Variants in MEOX2 observed in about 807,000 individuals in gnomAD.
The protein encoded by MEOX2 is mesenchyme homeobox 2.
Under a neutral mutation model 27.0 loss-of-function variants are expected in MEOX2, and 11 were observed. That is an observed-to-expected ratio of 0.41 (90% CI 0.26 to 0.68). The LOEUF (loss-of-function observed/expected upper bound fraction) is 0.68. Among genes scored for constraint, MEOX2 ranks in the 30% least tolerant of loss-of-function variants. The pLI is 0.33. For synonymous variants in MEOX2, 189 were observed against 155.4 expected (o/e 1.22, Z -1.61); for missense variants, 436 against 385.4 (o/e 1.13, Z -1.10).
intron 2 of MEOX2, among the ~76,000 whole-genome samples, chr7:15,620,854 A>G (rs2107267): frequency 0.67 from 102,100 of 151,710 alleles, 34,587 homozygotes; most frequent in East Asian, 0.81. Flanking sequence ...TTACAAGTCT[A>G]CAACATTACA....
intron 1 of MEOX2, among the ~76,000 whole-genome samples, chr7:15,673,760 G>T (rs2115392672): frequency 6.6e-6 from 1 of 152,224 alleles, no homozygotes; most frequent in South Asian, 2.1e-4. Flanking sequence ...AGATTCGATA[G>T]TAAGGCATAA....
intron 1 of MEOX2, among the ~76,000 whole-genome samples, chr7:15,678,416 A>T (rs1007020836): frequency 6.6e-6 from 1 of 152,208 alleles, no homozygotes; most frequent in Non-Finnish European, 1.5e-5. Context: ...TACGTTTCGG[A>T]TAACACATAT....
At chr7:15,661,882 C>T (rs1440097013) in intron 1 of MEOX2, among the ~76,000 whole-genome samples, 1 of 152,174 alleles carries the variant, frequency 6.6e-6, no homozygotes, top group Non-Finnish European at 1.5e-5. Context: ...ATAGATGCTA[C>T]TACCTCCATA....
chr7:15,638,475 A>G (rs1296587606), intron 1 of MEOX2, among the ~76,000 whole-genome samples: 1 of 152,098 alleles, frequency 6.6e-6, no homozygotes, highest in East Asian at 1.9e-4. Flanking sequence ...AATTTTGTGC[A>G]TATGTAAAAC....
chr7:15,683,161 G>A (rs1202583437), intron 1 of MEOX2, among the ~76,000 whole-genome samples: 2 of 151,894 alleles, frequency 1.3e-5, no homozygotes, highest in South Asian at 2.1e-4. Flanking sequence ...AAATATTTAA[G>A]CTGTTTTTCA....
intron 1 of MEOX2, chr7:15,678,893 G>T (rs545783237): frequency 6.6e-6 from 1 of 152,058 alleles, no homozygotes; most frequent in Non-Finnish European, 1.5e-5. Flanking sequence ...AGATAACTGC[G>T]AATTTGTTTT....
chr7:15,642,107 T>A (rs781331681), intron 1 of MEOX2, among the ~76,000 whole-genome samples: 21 of 152,180 alleles, frequency 1.4e-4, no homozygotes, highest in Non-Finnish European at 2.2e-4. Context: ...TCATCTTGTA[T>A]GGCATCTTGC....
chr7:15,630,956 A>AT (rs1166100435), intron 1 of MEOX2, among the ~76,000 whole-genome samples: 1 of 151,864 alleles, frequency 6.6e-6, no homozygotes, highest in East Asian at 1.9e-4. Context: ...CCTCTTGCCA[A>AT]TCCACTTTCC....
chr7:15,639,000 G>C (rs976036390), intron 1 of MEOX2, among the ~76,000 whole-genome samples: 5 of 152,074 alleles, frequency 3.3e-5, no homozygotes, highest in Admixed American at 2.0e-4. Flanking sequence ...TAGATACCCG[G>C]TAGTGGAATT....
chr7:15,658,060 C>G, intron 1 of MEOX2, among the ~76,000 whole-genome samples: 1 of 152,204 alleles, frequency 6.6e-6, no homozygotes, highest in South Asian at 2.1e-4. Flanking sequence ...AAGGATAAGA[C>G]TAACTTTTTA....
At chr7:15,670,386 G>A (rs1782076625) in intron 1 of MEOX2, among the ~76,000 whole-genome samples, 1 of 152,190 alleles carries the variant, frequency 6.6e-6, no homozygotes, top group African/African-American at 2.4e-5. Context: ...TAATTGGCTT[G>A]TTGTGGTATT....
Position 15,686,169 on chromosome 7 carries a change from G to GTGA in MEOX2, c.231_233dup (p.His80dup). 1.3e-6 allele frequency: 2 copies of GTGA among 1,538,158 alleles called. No individual in the cohort carries two copies. The highest frequency in any genetic ancestry group is 1.7e-6 in the Non-Finnish European group (2 of 1,150,672). On this transcript the variant is annotated inframe_insertion, in exon 1 of 3. Coordinates refer to ENST00000262041, the MANE Select transcript of MEOX2 (RefSeq NM_005924.5). Reference sequence around the variant, plus strand: ...CCTGGTGCTGCTGCTGCTGATGGTGGTGATGGTGGTGGTGGTGGTGGTGGT... The same window carrying GTGA: ...CCTGGTGCTGCTGCTGCTGATGGTGGTGATGATGGTGGTGGTGGTGGTGGTGGT...
At chr7:15,620,688 T>G (rs1781208781) in intron 2 of MEOX2, among the ~76,000 whole-genome samples, 1 of 152,252 alleles carries the variant, frequency 6.6e-6, no homozygotes, top group Non-Finnish European at 1.5e-5. Context: ...TTGAAAATAC[T>G]TGGCATTGGG....
chr7:15,659,165 A>AT (rs1373144886), intron 1 of MEOX2, among the ~76,000 whole-genome samples: 1 of 152,100 alleles, frequency 6.6e-6, no homozygotes, highest in East Asian at 1.9e-4. Context: ...ATGTCTGGCT[A>AT]TTTTTTATTT....
chr7:15,646,107 C>A (rs1299083065), intron 1 of MEOX2, among the ~76,000 whole-genome samples: 1 of 151,950 alleles, frequency 6.6e-6, no homozygotes, highest in Non-Finnish European at 1.5e-5. Context: ...ATAAGAATAG[C>A]AACAAACTTG....
intron 1 of MEOX2, among the ~76,000 whole-genome samples, chr7:15,671,605 T>C (rs1389164395): frequency 6.6e-6 from 1 of 152,194 alleles, no homozygotes; most frequent in African/African-American, 2.4e-5. Context: ...GTGTGGTTAC[T>C]TATCAGTGTC....
chr7:15,685,362 A>AAG (rs1782361563), intron 1 of MEOX2, among the ~76,000 whole-genome samples: 1 of 152,216 alleles, frequency 6.6e-6, no homozygotes, highest in Non-Finnish European at 1.5e-5. Context: ...TTAAAAAAAA[A>AAG]AAACTGAAAC....
At chr7:15,626,444 A>G (rs975564401) in intron 2 of MEOX2, among the ~76,000 whole-genome samples, 2 of 152,108 alleles carry the variant, frequency 1.3e-5, no homozygotes, top group Non-Finnish European at 2.9e-5. Context: ...ATAAGCATGC[A>G]CAACTCCTCA....
intron 1 of MEOX2, among the ~76,000 whole-genome samples, chr7:15,671,961 T>G (rs978271390): frequency 6.6e-6 from 1 of 151,920 alleles, no homozygotes; most frequent in Non-Finnish European, 1.5e-5. Context: ...GGCATGCTCG[T>G]GCATGCCTGT....
Sources: gnomAD v4.1 joint callset for allele counts (sites outside exome capture counted in the v4.1 genomes callset) on GRCh38, gnomAD v4.1.1 for gene constraint, MANE v1.5 for transcripts, NCBI Gene and HGNC (gene_info 2026-07-23, HGNC 2026-07-21) for gene names.